HLTF: variants seen among roughly 807,000 people sequenced by gnomAD.
HLTF encodes the protein DNA-dependent ATPase/E3 ubiquitin-protein ligase HLTF.
HLTF carries 127 observed loss-of-function variants against 129.4 expected under a neutral mutation model. The observed-to-expected ratio is 0.98, with a 90% CI of 0.85 to 1.14. The LOEUF (loss-of-function observed/expected upper bound fraction) is 1.14, where lower values mean the gene tolerates loss of function less well. Among genes scored for constraint, HLTF ranks in the 50% most tolerant of loss-of-function variants. The pLI is 0.00. For synonymous variants in HLTF, 332 were observed against 388.8 expected (o/e 0.85, Z 1.72); for missense variants, 1,139 against 1,187.1 (o/e 0.96, Z 0.60).
At chr3:149,059,538 T>C (rs748187028) in intron 13 of HLTF, 180 bp downstream of exon 13, 10 of 553,058 alleles carry the variant, frequency 1.8e-5, no homozygotes, top group Non-Finnish European at 2.9e-5. Context: ...AGTAGGAAAA[T>C]GCACCAAAAG....
At chr3:149,047,479 T>C (rs1348354128) in intron 17 of HLTF, among the ~76,000 whole-genome samples, 1 of 151,984 alleles carries the variant, frequency 6.6e-6, no homozygotes, top group South Asian at 2.1e-4. Context: ...CCATCTCTAC[T>C]AAAAATACAA....
In HLTF at chr3:149,032,373, CT is replaced by C; in HGVS notation, c.2878-2del. 1 of 1,452,080 alleles carries C rather than the reference CT, an allele frequency of 6.9e-7. No homozygotes were observed. The highest frequency in any genetic ancestry group is 1.4e-5 in the South Asian group (1 of 71,148). 89.9% of individuals were successfully genotyped at this position (1,452,080 alleles called of 1,614,324 possible). On this transcript the variant is annotated splice_acceptor_variant, in intron 24 of 24. Coordinates refer to ENST00000310053, the MANE Select transcript of HLTF (RefSeq NM_003071.4). LOFTEE classifies it high-confidence loss of function. ...CTTCAACAGAGTCCTTTACAATGAA[CT>C]TTAAAAAGAAAAAAAAAAGTTAAGT...
chr3:149,045,374 A>G (rs147885353), intron 18 of HLTF, among the ~76,000 whole-genome samples: 167 of 152,252 alleles, frequency 1.1e-3, no homozygotes, highest in African/African-American at 3.8e-3. Flanking sequence ...ATGTTTTTAA[A>G]TTATCTGTTT....
chr3:149,079,373 T>TAAAAAAAAAAAAAAAAAAAAAAA (rs71135659), intron 2 of HLTF, among the ~76,000 whole-genome samples: 2 of 57,238 alleles, frequency 3.5e-5, no homozygotes, highest in African/African-American at 1.3e-4. Flanking sequence ...CGACAGTTTC[T>TAAAAAAAAAAAAAAAAAAAAAAA]AAAAAAAAAA....
intron 7 of HLTF, 62 bp from the exon 8 acceptor site, chr3:149,068,397 T>A: frequency 1.4e-6 from 1 of 738,842 alleles, no homozygotes. Flanking sequence ...CAGAAAAACG[T>A]TCCCATTTTA....
intron 24 of HLTF, 137 bp from the exon 25 acceptor site, chr3:149,032,509 T>A (rs1715182010): frequency 3.8e-6 from 2 of 525,772 alleles, no homozygotes; most frequent in African/African-American, 4.0e-5. Flanking sequence ...AACTATTTAA[T>A]AGAACTGAAC....
At chr3:149,059,851 C>A in intron 12 of HLTF, 44 bp from the exon 13 acceptor site, 2 of 1,241,426 alleles carry the variant, frequency 1.6e-6, no homozygotes, top group South Asian at 2.6e-5. Context: ...CAAATTATCT[C>A]CTGTGCTAGA....
At chr3:149,073,369 T>C in intron 4 of HLTF, 47 bp from the exon 5 acceptor site, 1 of 1,321,672 alleles carries the variant, frequency 7.6e-7, no homozygotes, top group Non-Finnish European at 1.1e-6. Context: ...ATAAAGTAGG[T>C]TTTTATCTTT....
intron 2 of HLTF, among the ~76,000 whole-genome samples, chr3:149,079,316 A>C (rs1719661897): frequency 6.9e-6 from 1 of 144,164 alleles, no homozygotes; most frequent in Admixed American, 7.5e-5. Flanking sequence ...TCACATCATA[A>C]TCAAACTGTC....
At chr3:149,071,495 A>G (rs1327370362) in intron 6 of HLTF, 52 bp from the exon 7 acceptor site, 4 of 1,504,192 alleles carry the variant, frequency 2.7e-6, no homozygotes, top group Non-Finnish European at 3.7e-6. Context: ...CCTTTTTCAC[A>G]TGCAGATCCT....
At chr3:149,062,261 A>T (rs918464238) in intron 10 of HLTF, among the ~76,000 whole-genome samples, 6 of 152,172 alleles carry the variant, frequency 3.9e-5, no homozygotes, top group Non-Finnish European at 7.4e-5. Flanking sequence ...TGTCCTCACC[A>T]TTATTATTTC....
Position 149,059,772 on chromosome 3 carries a change from C to A in HLTF, c.1321G>T (p.Ala441Ser). ...SSKVIEDVAF[A>S]CALTSSVPTT... ...GGAACAGATGAAGTTAATGCACATG[C>A]AAATGCCACATCTTCTATAACCTTA... The change falls in exon 13 of 25, where the codon GCA (alanine) becomes TCA (serine). Residue 441 changes from alanine (A) to serine (S), a missense_variant. By Grantham distance (99) the Ala-to-Ser change is moderately conservative. Coordinates refer to ENST00000310053, the MANE Select transcript of HLTF (RefSeq NM_003071.4). The A allele has an allele frequency of 6.2e-7, 1 of 1,603,878 alleles. No homozygotes were observed. The highest frequency in any genetic ancestry group is 8.5e-7 in the Non-Finnish European group (1 of 1,176,010).
chr3:149,057,107 CAAAAAAAAAAAA>C (rs56809507), intron 13 of HLTF, among the ~76,000 whole-genome samples: 451 of 27,742 alleles, frequency 0.016, 12 homozygotes, highest in Admixed American at 0.14. Flanking sequence ...GACTCCGTCT[CAAAAAAAAAAAA>C]AAAAAAAAAA....
At chr3:149,071,963 G>T (rs753469368) in intron 5 of HLTF, among the ~76,000 whole-genome samples, 3 of 152,072 alleles carry the variant, frequency 2.0e-5, no homozygotes, top group African/African-American at 4.8e-5. Flanking sequence ...TGAGATGGGA[G>T]GATCACTTCA....
At chr3:149,079,884 C>T (rs1348779947) in intron 2 of HLTF, among the ~76,000 whole-genome samples, 1 of 152,198 alleles carries the variant, frequency 6.6e-6, no homozygotes, top group Non-Finnish European at 1.5e-5. Context: ...AGCCACCATG[C>T]CCCATGCCCA....
At chr3:149,039,552 C>T (rs1559855474) in intron 22 of HLTF, 29 bp downstream of exon 22, 1 of 1,069,900 alleles carries the variant, frequency 9.3e-7, no homozygotes, top group East Asian at 2.5e-5. Flanking sequence ...AATCCTTTTA[C>T]TGAAAGTGAA....
chr3:149,062,098 T>C (rs2108020834), intron 10 of HLTF, among the ~76,000 whole-genome samples: 1 of 152,304 alleles, frequency 6.6e-6, no homozygotes, highest in South Asian at 2.1e-4. Flanking sequence ...TATTCTTCAA[T>C]GCCTGTTTCC....
In HLTF at chr3:149,060,874, C is replaced by G; in HGVS notation, c.1161-16G>C. Reference sequence around the variant, plus strand: ...AGTTTTTCTTCTAAAATTAAGTATACACAAAGAAATTTTTGGACCAACCCA... The same window carrying G: ...AGTTTTTCTTCTAAAATTAAGTATAGACAAAGAAATTTTTGGACCAACCCA... On this transcript the variant is annotated splice_polypyrimidine_tract_variant and intron_variant, in intron 10 of 24. Transcript: ENST00000310053. 1 of 1,575,350 alleles carries G rather than the reference C, an allele frequency of 6.3e-7. No individual in the cohort carries two copies.
At chr3:149,038,497 A>AT (rs1038478667) in intron 23 of HLTF, among the ~76,000 whole-genome samples, 6 of 151,680 alleles carry the variant, frequency 4.0e-5, no homozygotes, top group South Asian at 4.2e-4. Flanking sequence ...AAAACAGAGC[A>AT]TTTTTTTTCT....
Sources: gnomAD v4.1 joint callset for allele counts (sites outside exome capture counted in the v4.1 genomes callset) on GRCh38, gnomAD v4.1.1 for gene constraint, MANE v1.5 for transcripts, NCBI Gene and HGNC (gene_info 2026-07-23, HGNC 2026-07-21) for gene names.